MACF1: variants seen among roughly 807,000 people sequenced by gnomAD.
MACF1 encodes microtubule actin crosslinking factor 1.
A neutral mutation model predicts 854.8 loss-of-function variants in MACF1; 193 were observed. The ratio of observed to expected loss-of-function variants is 0.23; its 90% CI spans 0.20 to 0.25. MACF1 has a LOEUF of 0.25. Ranked by LOEUF, MACF1 falls within the 10% of genes least tolerant of loss-of-function variation. The pLI, the probability that MACF1 is intolerant of heterozygous loss-of-function variation, is 1.00. For synonymous variants in MACF1, 3,185 were observed against 3,226.7 expected, an observed-to-expected ratio of 0.99 and a Z score of 0.44; for missense variants, 7,722 against 8,929.1, an observed-to-expected ratio of 0.86 and a Z score of 5.45.
At chr1:39,326,700 AAG>A (rs1553257469) in intron 35 of MACF1, among the ~76,000 whole-genome samples, 1 of 150,222 alleles carries the variant, frequency 6.7e-6, no homozygotes. Flanking sequence ...AAAAAAAAAA[AAG>A]AGAGAAGAAA....
intron 52 of MACF1, 166 bp downstream of exon 52, chr1:39,372,762 T>C (rs569312066): frequency 3.5e-6 from 2 of 577,676 alleles, no homozygotes; most frequent in Admixed American, 3.2e-5. Context: ...CCCCTTTTGC[T>C]ATATAACATT....
chr1:39,135,656 G>A (rs1194957856), intron 2 of MACF1, among the ~76,000 whole-genome samples: 2 of 152,080 alleles, frequency 1.3e-5, no homozygotes, highest in Admixed American at 6.6e-5. Flanking sequence ...TGTCTCTCTG[G>A]GTTTTGCTTG....
chr1:39,289,490 G>T (rs1394277466), intron 15 of MACF1, among the ~76,000 whole-genome samples: 1 of 152,016 alleles, frequency 6.6e-6, no homozygotes, highest in Non-Finnish European at 1.5e-5. Flanking sequence ...CTGATAATTA[G>T]TGACGTTGAG....
chr1:39,308,759 G>T (rs755122563), intron 23 of MACF1, among the ~76,000 whole-genome samples: 3 of 151,718 alleles, frequency 2.0e-5, no homozygotes, highest in Admixed American at 2.0e-4. Flanking sequence ...GGGTTCAAGC[G>T]ATTCTCCTGC....
Position 39,395,654 on chromosome 1 carries a change from C to T in MACF1, c.15816+6996C>T, listed in dbSNP as rs529094083. Among the ~76,000 whole-genome samples, 8 of 152,284 alleles carry T rather than the reference C, an allele frequency of 5.3e-5. No individual in the cohort carries two copies. The East Asian group carries it at 1.5e-3, about 29-fold the overall frequency. On this transcript the variant is annotated intron_variant, in intron 58 of 100. Transcript: ENST00000564288. ...GAGACTACAGTCTCTCAGTTGTTCTCCACAGCCAACCAAGAGTTTGGCTGC... is the reference window on the plus strand; with the variant it reads ...GAGACTACAGTCTCTCAGTTGTTCTTCACAGCCAACCAAGAGTTTGGCTGC...
rs780806340 is a variant in MACF1, at chr1:39,427,957, C to T, written c.16477-4C>T. 1.5e-5 allele frequency: 24 copies of T among 1,591,520 alleles called. No homozygotes were observed. The highest frequency in any genetic ancestry group is 3.5e-5 in the Admixed American group (2 of 56,736). On this transcript the variant is annotated splice_polypyrimidine_tract_variant and splice_region_variant and intron_variant, in intron 62 of 100. Transcript: ENST00000564288. ...TTATTCATTTTTTCCATCTGGATTTCCAGGCTCTGGAAGAAGACATAGAAA... is the reference window on the plus strand; with the variant it reads ...TTATTCATTTTTTCCATCTGGATTTTCAGGCTCTGGAAGAAGACATAGAAA...
chr1:39,458,026 A>G (rs1644476260), intron 89 of MACF1: 1 of 180,150 alleles, frequency 5.6e-6, no homozygotes, highest in South Asian at 1.5e-4. Context: ...AGAGGAGGAG[A>G]TAGCAGGCTC....
chr1:39,381,388 G>T (rs1313573867), intron 55 of MACF1, among the ~76,000 whole-genome samples: 1 of 141,584 alleles, frequency 7.1e-6, no homozygotes, highest in Non-Finnish European at 1.5e-5. Context: ...TGGGGGGGGG[G>T]ACAGGGTCTT....
At position 39,268,915 on chromosome 1, in the gene MACF1, A is replaced by G. The variant is rs1280319203; in HGVS notation, c.528+10887A>G. ...ACGAAGTTAACAGAGAGTCTCCAAA[A>G]GGAAGACGGAGTGGGAGGGGTAGAG... is the stretch of plus-strand genomic sequence containing the variant. On this transcript the variant is annotated intron_variant, in intron 6 of 100. Transcript: ENST00000564288. 2.3e-6 allele frequency: 3 copies of G among 1,288,144 alleles called. No individual in the cohort carries two copies. The African/African-American group carries it at 4.6e-5, about 20-fold the overall frequency. 79.8% of individuals were successfully genotyped at this position (1,288,144 alleles called of 1,614,324 possible).
At chr1:39,138,331 C>A (rs1373907886) in intron 2 of MACF1, among the ~76,000 whole-genome samples, 3 of 151,674 alleles carry the variant, frequency 2.0e-5, no homozygotes, top group Non-Finnish European at 2.9e-5. Context: ...CGCCTGTAAT[C>A]CCAGCACTTT....
chr1:39,262,362 C>T (rs1257551063), intron 6 of MACF1, among the ~76,000 whole-genome samples: 1 of 129,434 alleles, frequency 7.7e-6, no homozygotes, highest in Non-Finnish European at 1.5e-5. Context: ...AATTGTGCCA[C>T]TGCACTCCAG....
rs1396215555 is a variant in MACF1, at chr1:39,331,633, C to T, written c.5045C>T (p.Ser1682Phe). The T allele has an allele frequency of 1.2e-6, 2 of 1,614,192 alleles. No individual in the cohort carries two copies. The highest frequency in any genetic ancestry group is 2.2e-5 in the South Asian group (2 of 91,086). The change falls in exon 37 of 101, where the codon TCT becomes TTT. Residue 1682 changes from serine (S) to phenylalanine (F), a missense_variant. Ser to Phe is a radical substitution (Grantham distance 155). Coordinates refer to ENST00000564288, the MANE Select transcript of MACF1 (RefSeq NM_001394062.1). ...LEEAFHQGLI[S>F]AWLHSVLESY... ...GAGGCTTTTCATCAAGGCCTCATTT[C>T]TGCATGGCTTCATTCAGTATTAGAG... is the stretch of plus-strand genomic sequence containing the variant.
chr1:39,190,597 C>T (rs1440123431), intron 2 of MACF1, among the ~76,000 whole-genome samples: 1 of 151,736 alleles, frequency 6.6e-6, no homozygotes, highest in Admixed American at 6.6e-5. Context: ...TCTCGGCCTC[C>T]CAAAGTACTG....
In MACF1 at chr1:39,448,659, A is replaced by G; in HGVS notation, c.20154A>G (p.Ala6718=). 6.2e-7 allele frequency: 1 copy of G among 1,613,418 alleles called. No homozygotes were observed. Among genetic ancestry groups the G allele is most frequent in the Non-Finnish European group, 8.5e-7 (1 of 1,179,558 alleles). ...ATACCACAATTAGAACTGGCAGAGC[A>G]CTGAAAGAAAAGACTTTGCTTCCCG... ...VYDTTIRTGR[A]LKEKTLLPED... Residue 6718 remains alanine, a synonymous_variant, in exon 84 of 101, where the codon GCA becomes GCG. Coordinates refer to ENST00000564288, the MANE Select transcript of MACF1 (RefSeq NM_001394062.1).
intron 28 of MACF1, 129 bp downstream of exon 28, chr1:39,316,658 AAT>A: frequency 1.3e-6 from 1 of 793,978 alleles, no homozygotes; most frequent in Non-Finnish European, 1.9e-6. Flanking sequence ...AATGTCATTA[AAT>A]ATATTTTAAT....
At chr1:39,232,089 G>T (rs1488228696) in intron 2 of MACF1, among the ~76,000 whole-genome samples, 2 of 147,132 alleles carry the variant, frequency 1.4e-5, no homozygotes, top group African/African-American at 2.5e-5. Context: ...CTCACCTAAA[G>T]ATAATAATAA....
chr1:39,145,115 C>T (rs1227523737), intron 2 of MACF1, among the ~76,000 whole-genome samples: 1 of 152,090 alleles, frequency 6.6e-6, no homozygotes, highest in African/African-American at 2.4e-5. Flanking sequence ...CACTGCATAA[C>T]AGTGTGCTGA....
chr1:39,168,344 C>T (rs1012582658), intron 2 of MACF1, among the ~76,000 whole-genome samples: 2 of 152,146 alleles, frequency 1.3e-5, no homozygotes, highest in Non-Finnish European at 2.9e-5. Context: ...TTTCCTTAAC[C>T]TATCTGATTG....
rs1310842894 is a variant in MACF1 at position 39,350,817 on chromosome 1, C to T, written c.10998C>T (p.Thr3666=). The change falls in exon 43 of 101, where the codon ACC becomes ACT. Residue 3666 remains threonine, a synonymous_variant. Coordinates refer to ENST00000564288, the MANE Select transcript of MACF1 (RefSeq NM_001394062.1). ...DLQDDIQNRA[T]SFATVVKDIE... is the part of the protein sequence containing the mutation. ...AGGATGACATTCAGAATCGTGCCACCTCATTTGCCACTGTTGTCAAGGACA... is the reference window on the plus strand; with the variant it reads ...AGGATGACATTCAGAATCGTGCCACTTCATTTGCCACTGTTGTCAAGGACA... 6.2e-7 allele frequency: 1 copy of T among 1,613,962 alleles called. No individual in the cohort carries two copies. The highest frequency in any genetic ancestry group is 8.5e-7 in the Non-Finnish European group (1 of 1,179,936).
Sources: allele counts gnomAD v4.1 joint callset (sites outside exome capture counted in the v4.1 genomes callset), GRCh38; gene constraint gnomAD v4.1.1; transcripts MANE v1.5; gene names NCBI Gene and HGNC (gene_info 2026-07-23, HGNC 2026-07-21).